Variants in APBA2 observed in about 807,000 individuals in gnomAD.
The protein encoded by APBA2 is amyloid-beta A4 precursor protein-binding family A member 2.
APBA2 carries 30 observed loss-of-function variants against 75.0 expected under a neutral mutation model. The observed-to-expected ratio is 0.40, with a 90% confidence interval of 0.30 to 0.54. The LOEUF is 0.54. Ranked by LOEUF, APBA2 falls within the 20% of genes least tolerant of loss-of-function variation. The probability of loss-of-function intolerance (pLI) is 0.49; values close to 1 mark genes in which losing one functional copy is unlikely to be tolerated. For synonymous variants in APBA2, 444 were observed against 409.6 expected (o/e 1.08, Z -1.01); for missense variants, 801 against 1,016.1 (o/e 0.79, Z 2.88).
intron 2 of APBA2, among the ~76,000 whole-genome samples, chr15:28,995,412 G>A (rs1288148444): frequency 6.6e-6 from 1 of 152,142 alleles, no homozygotes; most frequent in Non-Finnish European, 1.5e-5. Flanking sequence ...AACCCGTGGG[G>A]TCAAGCTTTG....
At chr15:28,924,702 G>T (rs1324493080) in intron 2 of APBA2, among the ~76,000 whole-genome samples, 1 of 152,168 alleles carries the variant, frequency 6.6e-6, no homozygotes, top group East Asian at 1.9e-4. Flanking sequence ...TGACTGTCAG[G>T]AATAATGCAG....
intron 2 of APBA2, among the ~76,000 whole-genome samples, chr15:28,966,505 G>T (rs992909113): frequency 6.6e-6 from 1 of 151,940 alleles, no homozygotes; most frequent in African/African-American, 2.4e-5. Context: ...AGCCACTTTT[G>T]CTTTCTCATG....
At chr15:28,976,199 T>G (rs2152759876) in intron 2 of APBA2, among the ~76,000 whole-genome samples, 1 of 152,358 alleles carries the variant, frequency 6.6e-6, no homozygotes, top group South Asian at 2.1e-4. Context: ...TGTTTTGACC[T>G]GGTATCCAGC....
intron 3 of APBA2, among the ~76,000 whole-genome samples, chr15:29,028,953 G>A (rs4779701): frequency 0.36 from 54,791 of 151,972 alleles, 15,991 homozygotes; most frequent in African/African-American, 0.78. Flanking sequence ...CCCACTCTGT[G>A]GGTTGCCTGT....
intron 2 of APBA2, chr15:28,970,405 C>T (rs903859698): frequency 2.7e-5 from 4 of 149,004 alleles, no homozygotes; most frequent in Admixed American, 6.7e-5. Flanking sequence ...GGCCAGGCAC[C>T]GTGGTTCATG....
At chr15:29,045,351 A>G (rs2041269692) in intron 3 of APBA2, among the ~76,000 whole-genome samples, 1 of 151,190 alleles carries the variant, frequency 6.6e-6, no homozygotes, top group African/African-American at 2.4e-5. Flanking sequence ...CGGCCTCCCA[A>G]AGTGTTGGGA....
intron 6 of APBA2, among the ~76,000 whole-genome samples, chr15:29,087,891 A>T (rs1267694479): frequency 6.6e-6 from 1 of 152,002 alleles, no homozygotes; most frequent in Non-Finnish European, 1.5e-5. Context: ...ACCTCACACG[A>T]TCTGATGTCG....
chr15:29,088,067 C>T (rs540227431), intron 6 of APBA2, among the ~76,000 whole-genome samples: 43 of 152,204 alleles, frequency 2.8e-4, no homozygotes, highest in Non-Finnish European at 5.9e-4. Flanking sequence ...TCTCAGCCCC[C>T]TCTCTGGCTC....
rs1470780956 is a variant in APBA2, at chr15:28,886,012, G to C, written c.-471G>C. The C allele has an allele frequency of 2.0e-5, 3 of 150,090 alleles. No homozygotes were observed. Among genetic ancestry groups the C allele is most frequent in the South Asian group, 4.1e-4 (2 of 4,828 alleles). The allele number at this position is 150,090 out of a possible 1,614,324, so 9.3% of individuals were successfully genotyped here. On this transcript the variant is annotated 5_prime_UTR_variant, in exon 1 of 15. Transcript: ENST00000683413. ...CGGGTGAGGCGGAAGCGGCCGGGGCGGGGGCGCAGGCCCGGCAGCCGCAGG... is the reference window on the plus strand; with the variant it reads ...CGGGTGAGGCGGAAGCGGCCGGGGCCGGGGCGCAGGCCCGGCAGCCGCAGG...
Position 29,093,219 on chromosome 15 carries a change from A to G in APBA2, c.1214A>G (p.Lys405Arg), listed in dbSNP as rs2043669671. ...GCGCAGGAGGCCGTCAGCCGGGTCA[A>G]GGTAGAGGTGCTTCGAGGGCCCCTC... ...MQAQEAVSRV[K>R]RMQKAAKIKK... Residue 405 changes from lysine (K) to arginine (R), a missense_variant and splice_region_variant, in exon 7 of 15, where the codon AAG becomes AGG. Physicochemically the swap from Lys to Arg is conservative, Grantham distance 26. Around this residue, in one of 2 missense-constraint regions of APBA2, gnomAD observed 367 missense variants for 544.5 expected, o/e 0.67. Coordinates refer to ENST00000683413, the MANE Select transcript of APBA2 (RefSeq NM_001353788.2). 1 of 1,614,110 alleles carries G rather than the reference A, an allele frequency of 6.2e-7. No homozygotes were observed. The highest frequency in any genetic ancestry group is 8.5e-7 in the Non-Finnish European group (1 of 1,180,060).
rs372908794 is a variant in APBA2 at position 28,992,250 on chromosome 15, G to A, written c.-94-3503G>A. On this transcript the variant is annotated intron_variant, in intron 2 of 14. Coordinates refer to ENST00000683413, the MANE Select transcript of APBA2 (RefSeq NM_001353788.2). ...CTCCCCAGCCATTTGGGTCACCTTG[G>A]GTCCCTGAGGATCGCTTCTGGATCT... 2.8e-3 allele frequency among the ~76,000 whole-genome samples: 419 copies of A among 152,194 alleles called. 3 individuals are homozygous for A. The highest frequency in any genetic ancestry group is 9.7e-3 in the African/African-American group (404 of 41,512).
intron 2 of APBA2, among the ~76,000 whole-genome samples, chr15:28,927,147 C>T (rs533204204): frequency 6.6e-6 from 1 of 151,758 alleles, no homozygotes; most frequent in South Asian, 2.1e-4. Context: ...CGTGAGCCAC[C>T]GCACCTGGCC....
At chr15:29,074,386 G>A (rs2042755932) in intron 4 of APBA2, among the ~76,000 whole-genome samples, 1 of 152,310 alleles carries the variant, frequency 6.6e-6, no homozygotes, top group East Asian at 1.9e-4. Context: ...CAATAAGCCA[G>A]TTCCAAAAGG....
At chr15:29,108,230 C>G (rs1465900565) in intron 12 of APBA2, 40 bp from the exon 13 acceptor site, 1 of 1,612,702 alleles carries the variant, frequency 6.2e-7, no homozygotes, top group Admixed American at 1.7e-5. Context: ...GGCTTGATGT[C>G]TAAGGCCCAG....
intron 2 of APBA2, among the ~76,000 whole-genome samples, chr15:28,960,765 T>C (rs2036424677): frequency 6.6e-6 from 1 of 151,070 alleles, no homozygotes; most frequent in African/African-American, 2.4e-5. Flanking sequence ...TCATTCTTTT[T>C]TTTTTTTTTT....
chr15:29,035,975 T>G (rs2040729093), intron 3 of APBA2, among the ~76,000 whole-genome samples: 1 of 152,152 alleles, frequency 6.6e-6, no homozygotes, highest in Non-Finnish European at 1.5e-5. Context: ...TTTGGCAACC[T>G]TCCTGGTTGC....
At chr15:29,039,714 G>T (rs997814038) in intron 3 of APBA2, among the ~76,000 whole-genome samples, 1 of 152,184 alleles carries the variant, frequency 6.6e-6, no homozygotes, top group Admixed American at 6.5e-5. Context: ...GAACGCTGAT[G>T]GGCAGTGTCT....
At chr15:28,959,733 A>C (rs2036364941) in intron 2 of APBA2, among the ~76,000 whole-genome samples, 1 of 152,242 alleles carries the variant, frequency 6.6e-6, no homozygotes, top group Non-Finnish European at 1.5e-5. Context: ...ATCTTCATGG[A>C]CTGCTCCCGA....
intron 3 of APBA2, among the ~76,000 whole-genome samples, chr15:29,004,197 T>A (rs543949626): frequency 1.3e-5 from 2 of 152,162 alleles, no homozygotes; most frequent in Non-Finnish European, 2.9e-5. Flanking sequence ...AAAAGCCAAG[T>A]TCTAGATAGA....
Sources: gnomAD v4.1 joint callset for allele counts (sites outside exome capture counted in the v4.1 genomes callset) on GRCh38, gnomAD v4.1.1 for gene constraint, gnomAD v4.1.1 regional missense constraint, MANE v1.5 for transcripts, NCBI Gene and HGNC (gene_info 2026-07-23, HGNC 2026-07-21) for gene names.